The following SETD2 variants were observed in gnomAD, a reference collection of about 807,000 sequenced individuals.
The protein encoded by SETD2 is SET domain containing 2, histone lysine methyltransferase, also known as histone-lysine N-methyltransferase SETD2.
Under a neutral mutation model 242.1 loss-of-function variants are expected in SETD2, and 31 were observed. The observed-to-expected ratio is 0.13, with a 90% CI of 0.10 to 0.17. The LOEUF (loss-of-function observed/expected upper bound fraction) is 0.17, where lower values mean the gene tolerates loss of function less well. Ranked by LOEUF, SETD2 falls within the 10% of genes least tolerant of loss-of-function variation. The probability of loss-of-function intolerance (pLI) is 1.00; values close to 1 mark genes in which losing one functional copy is unlikely to be tolerated. For synonymous variants in SETD2, 1,006 were observed against 1,066.5 expected (o/e 0.94, Z 1.11); for missense variants, 2,481 against 3,046.3 (o/e 0.81, Z 4.37).
chr3:47,163,816 G>T, intron 1 of SETD2, 38 bp downstream of exon 1: 1 of 1,251,878 alleles, frequency 8.0e-7, no homozygotes, highest in Non-Finnish European at 1.0e-6. Flanking sequence ...GGGATAAGGC[G>T]GCCGACAGCA....
At chr3:47,141,159 C>T (rs2043720114) in intron 1 of SETD2, among the ~76,000 whole-genome samples, 1 of 150,006 alleles carries the variant, frequency 6.7e-6, no homozygotes, top group Non-Finnish European at 1.5e-5. Context: ...AGGCACACAC[C>T]ACCATGCCTG....
At chr3:47,049,374 CTT>C (rs1166711209) in intron 15 of SETD2, among the ~76,000 whole-genome samples, 3 of 96,970 alleles carry the variant, frequency 3.1e-5, no homozygotes, top group African/African-American at 7.9e-5. Flanking sequence ...TAAACTTATT[CTT>C]TTTTTTTTTT....
intron 15 of SETD2, among the ~76,000 whole-genome samples, chr3:47,050,723 C>CCTTTTT (rs1483439791): frequency 7.5e-5 from 5 of 66,878 alleles, no homozygotes; most frequent in African/African-American, 2.5e-4. Flanking sequence ...TTTCCTCTCT[C>CCTTTTT]TTTTTTTTTT....
chr3:47,056,057 T>A (rs2040054569), intron 15 of SETD2, among the ~76,000 whole-genome samples: 4 of 123,182 alleles, frequency 3.2e-5, no homozygotes, highest in Non-Finnish European at 5.3e-5. Flanking sequence ...CTGCCTTGTA[T>A]AATCTAAAAA....
rs149321057 is a variant in SETD2 at position 47,099,177 on chromosome 3, T to G, written c.5016-1096A>C. On this transcript the variant is annotated intron_variant, in intron 8 of 20. Transcript: ENST00000409792. ...TGTAAAAGACCTTCATTGCCAGAAG[T>G]CTGGTAACTGTCACCAGACTGAACA... Among the ~76,000 whole-genome samples the G allele has an allele frequency of 3.7e-4, 56 of 151,842 alleles. No individual in the cohort carries two copies. The East Asian group carries it at 9.6e-3, about 26-fold the overall frequency.
intron 18 of SETD2, among the ~76,000 whole-genome samples, chr3:47,024,271 G>C (rs1263192002): frequency 6.6e-6 from 1 of 152,122 alleles, no homozygotes; most frequent in African/African-American, 2.4e-5. Flanking sequence ...AGGAGATCGA[G>C]ACCAGCCTGG....
At chr3:47,151,115 G>C (rs969099000) in intron 1 of SETD2, among the ~76,000 whole-genome samples, 3 of 151,906 alleles carry the variant, frequency 2.0e-5, no homozygotes, top group East Asian at 1.9e-4. Context: ...CATTAAAAGA[G>C]AAGAACATAT....
intron 1 of SETD2, among the ~76,000 whole-genome samples, chr3:47,159,578 C>A (rs926072590): frequency 1.3e-5 from 2 of 152,182 alleles, no homozygotes; most frequent in Non-Finnish European, 2.9e-5. Context: ...CACTGTTGTT[C>A]CCTTTGCAAT....
chr3:47,042,725 T>A (rs1459583253), intron 16 of SETD2, 25 bp from the exon 17 acceptor site: 5 of 1,574,182 alleles, frequency 3.2e-6, no homozygotes, highest in Admixed American at 3.7e-5. Context: ...CACACATTTT[T>A]GATCAGTGAT....
At chr3:47,091,214 A>C (rs1358136519) in intron 9 of SETD2, among the ~76,000 whole-genome samples, 1 of 152,170 alleles carries the variant, frequency 6.6e-6, no homozygotes, top group African/African-American at 2.4e-5. Flanking sequence ...CTGTGTCCCA[A>C]ATTCTACGGT....
In SETD2 at chr3:47,133,214, A is replaced by T. The variant is rs376575857; in HGVS notation, c.72-6551T>A. Among the ~76,000 whole-genome samples, 170 of 152,240 alleles carry T rather than the reference A, an allele frequency of 1.1e-3. 3 individuals are homozygous for T. The South Asian group carries it at 0.035, about 31-fold the overall frequency. On this transcript the variant is annotated intron_variant, in intron 1 of 20. Transcript: ENST00000409792. ...ATAGGAAATCTCTGTGTTTTAAAAA[A>T]ATATATTTTAATACATATTTTTTGT...
chr3:47,127,121 C>T (rs1001962205), intron 1 of SETD2, among the ~76,000 whole-genome samples: 2 of 152,084 alleles, frequency 1.3e-5, no homozygotes, highest in Admixed American at 1.3e-4. Context: ...CTTTGGGAGG[C>T]TGAGGCCGGC....
rs2106653216 is a variant in SETD2, at chr3:47,121,530, C to T, written c.3106G>A (p.Glu1036Lys). 1 of 1,614,132 alleles carries T rather than the reference C, an allele frequency of 6.2e-7. No individual in the cohort carries two copies. ...HAPEIVSTVHEDYSGSSESSN... is the reference protein window; with the variant it reads ...HAPEIVSTVHKDYSGSSESSN... ...CTTTCAGAAGAGCCAGAATAATCTTCATGAACTGTAGACACAATTTCTGGG... is the reference window on the plus strand; with the variant it reads ...CTTTCAGAAGAGCCAGAATAATCTTTATGAACTGTAGACACAATTTCTGGG... Residue 1036 changes from glutamate to lysine, a missense_variant, in exon 3 of 21, where the codon GAA becomes AAA. By Grantham distance (56) the Glu-to-Lys change is moderately conservative. Coordinates refer to ENST00000409792, the MANE Select transcript of SETD2 (RefSeq NM_014159.7).
intron 15 of SETD2, among the ~76,000 whole-genome samples, chr3:47,055,349 T>A (rs888320189): frequency 1.3e-5 from 2 of 152,038 alleles, no homozygotes; most frequent in African/African-American, 4.8e-5. Flanking sequence ...TAATGAGGAG[T>A]GCTGGGAGAG....
rs554873189 is a variant in SETD2, at chr3:47,062,455, A to C, written c.6110-109T>G. ...TGTATAATAAAACTTCTATCCAACA[A>C]ATGTATCTATGGACTCCTCCGTCAT... On this transcript the variant is annotated intron_variant, in intron 13 of 20. Transcript: ENST00000409792. The C allele has an allele frequency of 2.1e-4, 214 of 1,006,756 alleles. 2 individuals are homozygous for C. The South Asian group carries it at 3.1e-3, about 15-fold the overall frequency. 62.4% of individuals were successfully genotyped at this position (1,006,756 alleles called of 1,614,324 possible). A position where few individuals can be genotyped will look rare whatever the true frequency, so the allele number is the denominator to read the frequency against.
rs780124159 is a variant in SETD2, at chr3:47,041,636, T to C, written c.7238+925A>G. On this transcript the variant is annotated intron_variant, in intron 17 of 20. Transcript: ENST00000409792. Reference sequence around the variant, plus strand: ...AAGATTATATAGATGGGTGTATATATACACACACACACACACAGAGACACA... The same window carrying C: ...AAGATTATATAGATGGGTGTATATACACACACACACACACACAGAGACACA... Among the ~76,000 whole-genome samples the C allele has an allele frequency of 3.3e-5, 5 of 151,022 alleles. No individual in the cohort carries two copies. The East Asian group carries it at 5.8e-4, about 17-fold the overall frequency.
At chr3:47,064,085 T>C (rs2040454006) in intron 13 of SETD2, among the ~76,000 whole-genome samples, 1 of 152,186 alleles carries the variant, frequency 6.6e-6, no homozygotes, top group Non-Finnish European at 1.5e-5. Flanking sequence ...TTAGTATTGC[T>C]CTCTTATTGA....
intron 11 of SETD2, among the ~76,000 whole-genome samples, 180 bp from the exon 12 acceptor site, chr3:47,084,562 G>C (rs2041466529): frequency 6.6e-6 from 1 of 151,060 alleles, no homozygotes. Flanking sequence ...GTAGCTGGGA[G>C]TACAGGCGCT....
chr3:47,133,107 T>C (rs895770571), intron 1 of SETD2, among the ~76,000 whole-genome samples: 3 of 152,344 alleles, frequency 2.0e-5, no homozygotes, highest in African/African-American at 7.2e-5. Flanking sequence ...AGTAATGATG[T>C]ATACATATAT....
Sources: allele counts gnomAD v4.1 joint callset (sites outside exome capture counted in the v4.1 genomes callset), GRCh38; gene constraint gnomAD v4.1.1; transcripts MANE v1.5; gene names NCBI Gene and HGNC (gene_info 2026-07-23, HGNC 2026-07-21).